The following EML6 variants were observed in gnomAD, a reference collection of about 807,000 sequenced individuals.
The protein encoded by EML6 is echinoderm microtubule-associated protein-like 6.
Under a neutral mutation model 240.1 loss-of-function variants are expected in EML6, and 154 were observed. The observed-to-expected ratio is 0.64, with a 90% CI of 0.56 to 0.73. EML6 has a LOEUF of 0.73. Ranked by LOEUF, EML6 falls within the 30% of genes least tolerant of loss-of-function variation. The pLI is 0.00. For missense variants in EML6, 2,964 were observed against 2,474.6 expected (o/e 1.20, Z -4.20); for synonymous variants, 1,148 against 899.0 (o/e 1.28, Z -4.95).
At chr2:54,783,769 A>G (rs1202903611) in intron 2 of EML6, among the ~76,000 whole-genome samples, 1 of 152,206 alleles carries the variant, frequency 6.6e-6, no homozygotes, top group Non-Finnish European at 1.5e-5. Flanking sequence ...AAAATTGACT[A>G]CAGTATTTTC....
chr2:54,879,613 A>G lies in EML6; in HGVS notation c.2411A>G (p.Lys804Arg), dbSNP rs996735405. 6.4e-6 allele frequency: 10 copies of G among 1,551,284 alleles called. No homozygotes were observed. Among genetic ancestry groups the G allele is most frequent in the African/African-American group, 1.4e-5 (1 of 73,028 alleles). Reference protein sequence around the residue: ...DFHSIVFWDWKKGEKIATTRG... With the variant: ...DFHSIVFWDWRKGEKIATTRG... ...CACAGTATTGTATTTTGGGACTGGA[A>G]AAAGGGAGAAAAGATAGCCACAACA... The change falls in exon 17 of 42, where the codon AAA (lysine) becomes AGA (arginine). Residue 804 changes from lysine to arginine, a missense_variant. By Grantham distance (26) the Lys-to-Arg change is conservative. Coordinates refer to ENST00000356458, the MANE Select transcript of EML6 (RefSeq NM_001039753.4).
chr2:54,896,509 G>A (rs1445653397), intron 21 of EML6, among the ~76,000 whole-genome samples: 1 of 152,200 alleles, frequency 6.6e-6, no homozygotes, highest in Non-Finnish European at 1.5e-5. Flanking sequence ...GGTAGGATGT[G>A]GAGGTGCGTT....
intron 28 of EML6, among the ~76,000 whole-genome samples, chr2:54,938,783 GT>G (rs1036434614): frequency 5.3e-5 from 8 of 152,316 alleles, no homozygotes; most frequent in Admixed American, 4.6e-4. Context: ...AGAAGATTTT[GT>G]TTGTCTTTGT....
At chr2:54,934,982 A>C (rs1297817764) in intron 28 of EML6, among the ~76,000 whole-genome samples, 1 of 152,240 alleles carries the variant, frequency 6.6e-6, no homozygotes, top group Non-Finnish European at 1.5e-5. Context: ...TTGGTGATAA[A>C]CTGAGTATGA....
At chr2:54,871,373 T>A (rs1671247393) in intron 15 of EML6, 127 bp from the exon 16 acceptor site, 1 of 688,716 alleles carries the variant, frequency 1.5e-6, no homozygotes, top group Non-Finnish European at 2.5e-6. Flanking sequence ...TAGCAGATGA[T>A]TTCCTAGGGT....
chr2:54,890,940 C>A (rs1446683766), intron 17 of EML6, 114 bp from the exon 18 acceptor site: 2 of 479,730 alleles, frequency 4.2e-6, no homozygotes, highest in Non-Finnish European at 7.3e-6. Context: ...AAACCATTTT[C>A]TAATTTAATG....
At chr2:54,786,066 G>C (rs1384470716) in intron 2 of EML6, among the ~76,000 whole-genome samples, 1 of 152,048 alleles carries the variant, frequency 6.6e-6, no homozygotes, top group Non-Finnish European at 1.5e-5. Context: ...CAGGGTGTTG[G>C]GGTAAAGGAG....
chr2:54,738,041 G>GTTA, intron 2 of EML6, among the ~76,000 whole-genome samples: 1 of 152,262 alleles, frequency 6.6e-6, no homozygotes, highest in South Asian at 2.1e-4. Context: ...CCTGATCAGT[G>GTTA]TTACCTTAAC....
At chr2:54,965,404 A>T (rs1310257130) in intron 38 of EML6, among the ~76,000 whole-genome samples, 2 of 152,210 alleles carry the variant, frequency 1.3e-5, no homozygotes, top group Admixed American at 1.3e-4. Context: ...TCCCGTAACC[A>T]CCCAAGGGGT....
chr2:54,895,326 C>G lies in EML6; in HGVS notation c.2908C>G (p.His970Asp). 1 of 1,551,828 alleles carries G rather than the reference C, an allele frequency of 6.4e-7. No homozygotes were observed. The highest frequency in any genetic ancestry group is 8.7e-7 in the Non-Finnish European group (1 of 1,146,880). The change falls in exon 21 of 42, where the codon CAT becomes GAT. Residue 970 changes from histidine to aspartate, a missense_variant. Coordinates refer to ENST00000356458, the MANE Select transcript of EML6 (RefSeq NM_001039753.4). ...TCGTGCCATCACTTTGGGACATGGACATATCCTGGTGGGAACAAAAAATGG... is the reference window on the plus strand; with the variant it reads ...TCGTGCCATCACTTTGGGACATGGAGATATCCTGGTGGGAACAAAAAATGG... Reference protein sequence around the residue: ...SIRAITLGHGHILVGTKNGEI... With the variant: ...SIRAITLGHGDILVGTKNGEI...
Position 54,899,797 on chromosome 2 carries a change from C to G in EML6, c.3124+15C>G. ...ACTCAAAAAAGGTACATAACACCAC[C>G]TTACACATCTGTCAGAGTATTTACA... On this transcript the variant is annotated intron_variant, in intron 22 of 41. Transcript: ENST00000356458. The G allele has an allele frequency of 2.6e-6, 4 of 1,543,952 alleles. No individual in the cohort carries two copies. The highest frequency in any genetic ancestry group is 2.6e-6 in the Non-Finnish European group (3 of 1,142,196).
chr2:54,924,982 G>C (rs1287527007), intron 26 of EML6, among the ~76,000 whole-genome samples: 1 of 152,218 alleles, frequency 6.6e-6, no homozygotes, highest in East Asian at 1.9e-4. Context: ...TCACTCTGTT[G>C]AACAAAGTTC....
At chr2:54,851,102 G>T (rs1021519598) in intron 10 of EML6, among the ~76,000 whole-genome samples, 1 of 152,286 alleles carries the variant, frequency 6.6e-6, no homozygotes. Flanking sequence ...AAGCAGAGAT[G>T]ATCTTGGAAA....
At chr2:54,825,371 C>T (rs1572958068) in intron 5 of EML6, among the ~76,000 whole-genome samples, 1 of 152,040 alleles carries the variant, frequency 6.6e-6, no homozygotes, top group Non-Finnish European at 1.5e-5. Flanking sequence ...TAGCTTTTTC[C>T]TAGATCTCTT....
intron 21 of EML6, among the ~76,000 whole-genome samples, chr2:54,899,174 C>T (rs1672927944): frequency 2.0e-5 from 3 of 152,328 alleles, no homozygotes; most frequent in Middle Eastern, 3.4e-3. Flanking sequence ...TAGAATATTG[C>T]TCTTCAATTT....
intron 24 of EML6, among the ~76,000 whole-genome samples, chr2:54,908,109 C>G (rs980623601): frequency 1.3e-5 from 2 of 152,006 alleles, no homozygotes; most frequent in Admixed American, 1.3e-4. Context: ...AAAAAATACC[C>G]TTAATTATTC....
chr2:54,897,236 A>G lies in EML6; in HGVS notation c.2982+1836A>G, dbSNP rs575580700. Among the ~76,000 whole-genome samples, 13 of 152,258 alleles carry G rather than the reference A, an allele frequency of 8.5e-5. No homozygotes were observed. In the East Asian group the frequency reaches 1.7e-3, roughly 20 times the overall value. On this transcript the variant is annotated intron_variant, in intron 21 of 41. Coordinates refer to ENST00000356458, the MANE Select transcript of EML6 (RefSeq NM_001039753.4). ...TTTGTTTTCTCTCTTATTTTGTTAC[A>G]CTTGAGGTAGTTTGGTTTAAATATG...
In EML6 at chr2:54,879,779, A is replaced by C. The variant is rs943894230; in HGVS notation, c.2438+139A>C. 6.3e-6 allele frequency: 4 copies of C among 634,268 alleles called. No individual in the cohort carries two copies. In the Admixed American group the frequency reaches 1.2e-4, roughly 19 times the overall value. The allele number at this position is 634,268 out of a possible 1,614,324, so 39.3% of individuals were successfully genotyped here. Reference sequence around the variant, plus strand: ...GAAGGCTTAGCACCTAAGTGAAAAAATACTGCAGTATTTCATGGTGCCAAA... The same window carrying C: ...GAAGGCTTAGCACCTAAGTGAAAAACTACTGCAGTATTTCATGGTGCCAAA... On this transcript the variant is annotated intron_variant, in intron 17 of 41. Coordinates refer to ENST00000356458, the MANE Select transcript of EML6 (RefSeq NM_001039753.4).
chr2:54,825,698 C>G (rs943250542), intron 5 of EML6, among the ~76,000 whole-genome samples: 1 of 152,140 alleles, frequency 6.6e-6, no homozygotes, highest in Admixed American at 6.5e-5. Context: ...TTCATTCTTG[C>G]CAAGGCATCC....
Sources: gnomAD v4.1 joint callset for allele counts (sites outside exome capture counted in the v4.1 genomes callset) on GRCh38, gnomAD v4.1.1 for gene constraint, MANE v1.5 for transcripts, NCBI Gene and HGNC (gene_info 2026-07-23, HGNC 2026-07-21) for gene names.